The following GRID2 variants were observed in gnomAD, a reference collection of about 807,000 sequenced individuals.
The protein encoded by GRID2 is glutamate ionotropic receptor delta type subunit 2, also known as glutamate receptor ionotropic, delta-2.
GRID2 carries 33 observed loss-of-function variants against 114.8 expected under a neutral mutation model. That is an observed-to-expected ratio of 0.29 (90% CI 0.22 to 0.38). The LOEUF (loss-of-function observed/expected upper bound fraction) is 0.38. GRID2 is among the 10% of genes least tolerant of loss of function. The pLI is 1.00. For synonymous variants in GRID2, 505 were observed against 449.9 expected, an observed-to-expected ratio of 1.12 and a Z score of -1.55; for missense variants, 1,184 against 1,257.7, an observed-to-expected ratio of 0.94 and a Z score of 0.89.
chr4:93,654,868 T>A (rs1722872692), intron 14 of GRID2, among the ~76,000 whole-genome samples: 1 of 152,096 alleles, frequency 6.6e-6, no homozygotes, highest in Non-Finnish European at 1.5e-5. Flanking sequence ...ATGGATGCTG[T>A]CATTGAGAGA....
At chr4:92,883,683 G>A (rs1292651133) in intron 2 of GRID2, among the ~76,000 whole-genome samples, 7 of 152,124 alleles carry the variant, frequency 4.6e-5, no homozygotes, top group Non-Finnish European at 8.8e-5. Flanking sequence ...TATCTTTAGC[G>A]GATGTCTTGG....
At chr4:93,466,982 G>A (rs551123968) in intron 11 of GRID2, among the ~76,000 whole-genome samples, 1 of 152,194 alleles carries the variant, frequency 6.6e-6, no homozygotes, top group African/African-American at 2.4e-5. Flanking sequence ...AAATACCTAT[G>A]AAATACAATT....
intron 2 of GRID2, among the ~76,000 whole-genome samples, chr4:92,621,209 G>A (rs757622686): frequency 6.6e-6 from 1 of 151,666 alleles, no homozygotes; most frequent in Non-Finnish European, 1.5e-5. Flanking sequence ...GATTAGAGCT[G>A]AGATTTTAAC....
chr4:92,321,506 T>G (rs1397007226), intron 1 of GRID2, among the ~76,000 whole-genome samples: 1 of 152,186 alleles, frequency 6.6e-6, no homozygotes, highest in African/African-American at 2.4e-5. Flanking sequence ...AAGTCAGTGA[T>G]AACTTCAATA....
At chr4:92,462,495 T>C (rs1721548054) in intron 1 of GRID2, among the ~76,000 whole-genome samples, 1 of 151,968 alleles carries the variant, frequency 6.6e-6, no homozygotes, top group African/African-American at 2.4e-5. Context: ...GCCTTGAAAA[T>C]AAAGTTAGTG....
chr4:93,140,903 G>A (rs1210622460), intron 4 of GRID2, among the ~76,000 whole-genome samples: 1 of 152,106 alleles, frequency 6.6e-6, no homozygotes, highest in Non-Finnish European at 1.5e-5. Flanking sequence ...TCCTTGAGAT[G>A]TCATATGTTT....
intron 1 of GRID2, among the ~76,000 whole-genome samples, chr4:92,404,996 A>G (rs1272736173): frequency 3.3e-5 from 5 of 152,180 alleles, no homozygotes; most frequent in Non-Finnish European, 5.9e-5. Context: ...CTATGTAACA[A>G]AGCTGCACAT....
chr4:92,949,269 CTA>C (rs1405676835), intron 2 of GRID2, among the ~76,000 whole-genome samples: 1 of 151,682 alleles, frequency 6.6e-6, no homozygotes, highest in Non-Finnish European at 1.5e-5. Flanking sequence ...TACTAAATAT[CTA>C]TGTAATTATT....
At chr4:93,032,521 T>G (rs952269750) in intron 2 of GRID2, among the ~76,000 whole-genome samples, 1 of 152,188 alleles carries the variant, frequency 6.6e-6, no homozygotes, top group Non-Finnish European at 1.5e-5. Flanking sequence ...ACCTCTTATA[T>G]TCTAAGGAAT....
At chr4:92,348,156 A>G (rs1447391031) in intron 1 of GRID2, among the ~76,000 whole-genome samples, 1 of 151,980 alleles carries the variant, frequency 6.6e-6, no homozygotes, top group African/African-American at 2.4e-5. Flanking sequence ...AGTGGAGATG[A>G]GGTCTCACTA....
At chr4:92,599,461 C>G (rs1729099444) in intron 2 of GRID2, among the ~76,000 whole-genome samples, 1 of 152,096 alleles carries the variant, frequency 6.6e-6, no homozygotes, top group South Asian at 2.1e-4. Flanking sequence ...AAAAGGTTAT[C>G]TTTCCATGCT....
At chr4:93,403,450 T>C (rs1321717376) in intron 9 of GRID2, among the ~76,000 whole-genome samples, 1 of 152,056 alleles carries the variant, frequency 6.6e-6, no homozygotes, top group Non-Finnish European at 1.5e-5. Context: ...GTTTACATTC[T>C]CTGGAAATAA....
At chr4:93,001,223 A>C (rs528926844) in intron 2 of GRID2, among the ~76,000 whole-genome samples, 1 of 151,804 alleles carries the variant, frequency 6.6e-6, no homozygotes, top group South Asian at 2.1e-4. Flanking sequence ...ACTATAATTT[A>C]TTTAAAAAAT....
At chr4:92,924,518 C>A (rs1000878449) in intron 2 of GRID2, among the ~76,000 whole-genome samples, 1 of 152,110 alleles carries the variant, frequency 6.6e-6, no homozygotes, top group Non-Finnish European at 1.5e-5. Context: ...GAAGAAACAG[C>A]CTAACTTTTT....
intron 11 of GRID2, among the ~76,000 whole-genome samples, chr4:93,489,992 G>A (rs1040132836): frequency 2.6e-5 from 4 of 151,784 alleles, no homozygotes; most frequent in Admixed American, 6.6e-5. Context: ...CAAAGTCAGG[G>A]GACTCGTTGA....
At chr4:92,588,678 C>CA (rs1209254541) in intron 1 of GRID2, among the ~76,000 whole-genome samples, 1,725 of 68,992 alleles carry the variant, frequency 0.025, 38 homozygotes, top group Middle Eastern at 0.04. Context: ...GACTCCGTCT[C>CA]AAAAAAAAAA....
intron 1 of GRID2, among the ~76,000 whole-genome samples, chr4:92,448,167 G>GTATC (rs1733570023): frequency 6.6e-6 from 1 of 151,056 alleles, no homozygotes; most frequent in Non-Finnish European, 1.5e-5. Context: ...ATGTATGTAT[G>GTATC]TATGTATGTA....
At chr4:93,407,218 G>A (rs1299269389) in intron 9 of GRID2, among the ~76,000 whole-genome samples, 1 of 152,114 alleles carries the variant, frequency 6.6e-6, no homozygotes, top group African/African-American at 2.4e-5. Context: ...TACTCTAGGA[G>A]AGTCTGAAAT....
intron 13 of GRID2, among the ~76,000 whole-genome samples, chr4:93,544,441 A>G (rs1732991802): frequency 6.6e-6 from 1 of 152,160 alleles, no homozygotes; most frequent in Non-Finnish European, 1.5e-5. Context: ...GCCCTATTTT[A>G]TATATTCTAA....
Sources: gnomAD v4.1 joint callset for allele counts (sites outside exome capture counted in the v4.1 genomes callset) on GRCh38, gnomAD v4.1.1 for gene constraint, MANE v1.5 for transcripts, NCBI Gene and HGNC (gene_info 2026-07-23, HGNC 2026-07-21) for gene names.